Variants in COPS2 observed in about 807,000 individuals in gnomAD.
The protein encoded by COPS2 is COP9 signalosome subunit 2.
In COPS2, 10 loss-of-function variants were observed where a neutral mutation model predicts 66.1. The observed-to-expected ratio is 0.15, with a 90% CI of 0.09 to 0.26. The LOEUF (loss-of-function observed/expected upper bound fraction) is 0.26, where lower values mean the gene tolerates loss of function less well. COPS2 is among the 10% of genes least tolerant of loss of function. The pLI is 1.00. For synonymous variants in COPS2, 179 were observed against 171.3 expected (o/e 1.04, Z -0.35); for missense variants, 215 against 513.3 (o/e 0.42, Z 5.62).
At chr15:49,151,760 C>T (rs939618896) in intron 1 of COPS2, among the ~76,000 whole-genome samples, 2 of 151,316 alleles carry the variant, frequency 1.3e-5, no homozygotes, top group Non-Finnish European at 2.9e-5. Flanking sequence ...GATCTTAGAA[C>T]ATACATGATC....
At chr15:49,132,216 T>C (rs1479222597) in intron 9 of COPS2, among the ~76,000 whole-genome samples, 1 of 152,238 alleles carries the variant, frequency 6.6e-6, no homozygotes, top group East Asian at 1.9e-4. Flanking sequence ...GAAATAAAGA[T>C]GACGTTTCCT....
intron 3 of COPS2, among the ~76,000 whole-genome samples, chr15:49,142,003 G>A (rs1436341592): frequency 6.6e-6 from 1 of 152,084 alleles, no homozygotes; most frequent in African/African-American, 2.4e-5. Context: ...AGCCCCTAAT[G>A]GCACTATAAT....
chr15:49,123,656 G>C lies in COPS2; in HGVS notation c.*4294C>G, dbSNP rs768213836. 1 of 152,162 alleles carries C rather than the reference G, an allele frequency of 6.6e-6. No individual in the cohort carries two copies. The highest frequency in any genetic ancestry group is 2.4e-5 in the African/African-American group (1 of 41,442). The allele number at this position is 152,162 out of a possible 1,614,324, so 9.4% of individuals were successfully genotyped here. A position where few individuals can be genotyped will look rare whatever the true frequency, so the allele number is the denominator to read the frequency against. On this transcript the variant is annotated 3_prime_UTR_variant, in exon 13 of 13. Transcript: ENST00000388901. ...CACGGAACAAAGTTGCCCCCGAATA[G>C]TAAGTACTTAAGAAATAATTTTTTC...
At chr15:49,135,409 C>T (rs1189815726) in intron 6 of COPS2, among the ~76,000 whole-genome samples, 1 of 152,098 alleles carries the variant, frequency 6.6e-6, no homozygotes, top group Non-Finnish European at 1.5e-5. Flanking sequence ...AGCCAAGGTT[C>T]CCGGTCTCAA....
At chr15:49,150,622 C>G (rs920789008) in intron 1 of COPS2, among the ~76,000 whole-genome samples, 2 of 152,102 alleles carry the variant, frequency 1.3e-5, no homozygotes, top group African/African-American at 4.8e-5. Flanking sequence ...ATGGGTGGAG[C>G]TGGAGGCCAT....
chr15:49,129,585 A>T, intron 10 of COPS2, 26 bp from the exon 11 acceptor site: 2 of 1,240,532 alleles, frequency 1.6e-6, no homozygotes, highest in Non-Finnish European at 2.2e-6. Flanking sequence ...TTAAAATAAC[A>T]TTTTATTTAA....
chr15:49,143,266 T>C (rs1407310366), intron 3 of COPS2, among the ~76,000 whole-genome samples: 1 of 152,088 alleles, frequency 6.6e-6, no homozygotes, highest in Non-Finnish European at 1.5e-5. Context: ...TAGGGATCTG[T>C]AGGTCATGGT....
intron 1 of COPS2, among the ~76,000 whole-genome samples, chr15:49,147,033 C>G (rs1323398664): frequency 6.6e-6 from 1 of 152,086 alleles, no homozygotes; most frequent in Non-Finnish European, 1.5e-5. Context: ...TACTGCTTAT[C>G]ATTTCAGATC....
chr15:49,149,134 T>TA (rs200861612), intron 1 of COPS2, among the ~76,000 whole-genome samples: 50 of 152,004 alleles, frequency 3.3e-4, no homozygotes, highest in Admixed American at 3.0e-3. Flanking sequence ...GGATTAAAAA[T>TA]AAAAAAACCC....
At chr15:49,147,953 G>C (rs957010085) in intron 1 of COPS2, among the ~76,000 whole-genome samples, 1 of 152,128 alleles carries the variant, frequency 6.6e-6, no homozygotes, top group African/African-American at 2.4e-5. Flanking sequence ...ACTACAAATA[G>C]ACAGTTCCTT....
chr15:49,133,122 GA>G (rs2084225283), intron 9 of COPS2, among the ~76,000 whole-genome samples: 1 of 151,438 alleles, frequency 6.6e-6, no homozygotes, highest in South Asian at 2.1e-4. Context: ...CCGAGTAGCT[GA>G]GACTACAGGC....
chr15:49,130,826 A>T lies in COPS2; in HGVS notation c.948-10T>A, dbSNP rs763386844. 6 of 1,407,064 alleles carry T rather than the reference A, an allele frequency of 4.3e-6. No homozygotes were observed. The East Asian group carries it at 1.1e-4, about 27-fold the overall frequency. The allele number at this position is 1,407,064 out of a possible 1,614,324, so 87.2% of individuals were successfully genotyped here. A position where few individuals can be genotyped will look rare whatever the true frequency, so the allele number is the denominator to read the frequency against. On this transcript the variant is annotated splice_polypyrimidine_tract_variant and intron_variant, in intron 9 of 12. Transcript: ENST00000388901. ...ATTATTCTGATAGGCACTAATAGAA[A>T]AACAAAGTGTAAATTATGTCAAACA...
At chr15:49,128,498 A>T (rs533408778) in intron 12 of COPS2, among the ~76,000 whole-genome samples, 19 of 152,360 alleles carry the variant, frequency 1.2e-4, no homozygotes, top group African/African-American at 4.3e-4. Flanking sequence ...CCTTCTGAAA[A>T]ATCATTTAGA....
chr15:49,134,834 A>G (rs1179999091), intron 6 of COPS2, among the ~76,000 whole-genome samples: 3 of 152,184 alleles, frequency 2.0e-5, no homozygotes, highest in Non-Finnish European at 2.9e-5. Flanking sequence ...GTTTTTTCCT[A>G]TATAGTAAGT....
intron 1 of COPS2, among the ~76,000 whole-genome samples, chr15:49,147,861 C>G (rs576181363): frequency 6.6e-6 from 1 of 152,016 alleles, no homozygotes; most frequent in African/African-American, 2.4e-5. Context: ...TTTTGCATAA[C>G]TGCAATTCAA....
chr15:49,136,920 TA>T (rs1283004826), intron 6 of COPS2, among the ~76,000 whole-genome samples: 1 of 151,556 alleles, frequency 6.6e-6, no homozygotes, highest in Non-Finnish European at 1.5e-5. Flanking sequence ...GCCCAGGAGG[TA>T]AAGGTTGCAG....
chr15:49,132,192 G>T (rs1044193885), intron 9 of COPS2, among the ~76,000 whole-genome samples: 1 of 152,006 alleles, frequency 6.6e-6, no homozygotes, highest in Non-Finnish European at 1.5e-5. Context: ...AAATGTGAAT[G>T]AAATAAACTA....
intron 3 of COPS2, 112 bp downstream of exon 3, chr15:49,144,114 TA>T (rs2084306328): frequency 4.1e-6 from 3 of 739,160 alleles, no homozygotes; most frequent in East Asian, 5.2e-5. Flanking sequence ...AGACTAAATA[TA>T]AAAACACATC....
chr15:49,132,357 T>G lies in COPS2; in HGVS notation c.947+1402A>C, dbSNP rs559286601. Among the ~76,000 whole-genome samples, 6 of 151,934 alleles carry G rather than the reference T, an allele frequency of 3.9e-5. No individual in the cohort carries two copies. The East Asian group carries it at 1.2e-3, about 29-fold the overall frequency. Reference sequence around the variant, plus strand: ...TTAGTCCCCCTAAAAAAAAACGCTTTTTTTTTTACAGCCAAAATTAAGGTT... The same window carrying G: ...TTAGTCCCCCTAAAAAAAAACGCTTGTTTTTTTACAGCCAAAATTAAGGTT... On this transcript the variant is annotated intron_variant, in intron 9 of 12. Coordinates refer to ENST00000388901, the MANE Select transcript of COPS2 (RefSeq NM_004236.4).
Sources: gnomAD v4.1 joint callset for allele counts (sites outside exome capture counted in the v4.1 genomes callset) on GRCh38, gnomAD v4.1.1 for gene constraint, MANE v1.5 for transcripts, NCBI Gene and HGNC (gene_info 2026-07-23, HGNC 2026-07-21) for gene names.